The following CACNG7 variants were observed in gnomAD, a reference collection of about 807,000 sequenced individuals.
The protein encoded by CACNG7 is calcium voltage-gated channel auxiliary subunit gamma 7.
Under a neutral mutation model 26.3 loss-of-function variants are expected in CACNG7, and 9 were observed. The observed-to-expected ratio is 0.34, with a 90% CI of 0.21 to 0.60. The LOEUF (loss-of-function observed/expected upper bound fraction) is 0.60. Among genes scored for constraint, CACNG7 ranks in the 20% least tolerant of loss-of-function variants. The pLI is 0.81. For missense variants in CACNG7, 297 were observed against 380.4 expected, an observed-to-expected ratio of 0.78 and a Z score of 1.82; for synonymous variants, 170 against 157.0, an observed-to-expected ratio of 1.08 and a Z score of -0.62.
intron 4 of CACNG7, among the ~76,000 whole-genome samples, chr19:53,922,384 G>A (rs1398221615): frequency 1.6e-5 from 2 of 127,056 alleles, no homozygotes; most frequent in Non-Finnish European, 3.4e-5. Flanking sequence ...CTGGTCATTG[G>A]TGGAGTTGTC....
rs74527756 is a variant in CACNG7, at chr19:53,927,275, T to C, written c.424+11770T>C. ...TTTGTATCTTAGAGCCTAGAGGTGT[T>C]GTTTGTATGAAGTGCAAACTGAAAT... On this transcript the variant is annotated intron_variant, in intron 4 of 5. Transcript: ENST00000391767. Among the ~76,000 whole-genome samples, 1,357 of 152,246 alleles carry C rather than the reference T, an allele frequency of 8.9e-3. 16 individuals are homozygous for C. Among genetic ancestry groups the C allele is most frequent in the African/African-American group, 0.031 (1,295 of 41,554 alleles).
In CACNG7 at chr19:53,942,615, A is replaced by G; in HGVS notation, c.*322A>G. On this transcript the variant is annotated 3_prime_UTR_variant, in exon 6 of 6. Transcript: ENST00000391767. The surrounding 1 kb of genome is among the most constrained non-coding windows in gnomAD (Gnocchi z 5.9). The stretch of plus-strand genomic sequence containing the variant: ...CCTCCCTCGTTCTCCACCTGCTCTG[A>G]GCTGGGAGCAGCCAGAGGCGGTGCA... 1 of 1,204,316 alleles carries G rather than the reference A, an allele frequency of 8.3e-7. No individual in the cohort carries two copies. Among genetic ancestry groups the G allele is most frequent in the East Asian group, 3.8e-5 (1 of 26,080 alleles). 74.6% of individuals were successfully genotyped at this position (1,204,316 alleles called of 1,614,324 possible).
chr19:53,917,115 G>A (rs1290655869), intron 4 of CACNG7, among the ~76,000 whole-genome samples: 3 of 151,896 alleles, frequency 2.0e-5, no homozygotes, highest in African/African-American at 7.3e-5. Context: ...TTTTTCTTGA[G>A]TGTTACTCTC....
At chr19:53,919,919 A>G (rs1599972457) in intron 4 of CACNG7, among the ~76,000 whole-genome samples, 1 of 92,750 alleles carries the variant, frequency 1.1e-5, no homozygotes, top group African/African-American at 4.7e-5. Flanking sequence ...TCATTGGTGG[A>G]GTTGTCCCCA....
At chr19:53,933,648 G>T (rs191952083) in intron 4 of CACNG7, among the ~76,000 whole-genome samples, 1 of 151,718 alleles carries the variant, frequency 6.6e-6, no homozygotes, top group Admixed American at 6.6e-5. Context: ...AAGCTTAGAT[G>T]GATGCAGGTT....
Position 53,915,444 on chromosome 19 carries a change from C to T in CACNG7, c.363C>T (p.Gly121=). The change falls in exon 4 of 6, where the codon GGC becomes GGT. Residue 121 remains glycine, a synonymous_variant. Transcript: ENST00000391767. ...VFTAFVISNI[G]HIRPQRTILA... is the part of the protein sequence containing the mutation. ...CGGCCTTCGTCATCAGCAACATCGG[C>T]CACATCCGCCCGCAGAGGACCATTC... is the stretch of plus-strand genomic sequence containing the variant. 6.2e-7 allele frequency: 1 copy of T among 1,614,164 alleles called. No individual in the cohort carries two copies. Among genetic ancestry groups the T allele is most frequent in the Non-Finnish European group, 8.5e-7 (1 of 1,180,028 alleles).
At position 53,912,019 on chromosome 19, in the gene CACNG7, T is replaced by C. The variant is rs13344068; in HGVS notation, c.-29-784T>C. ...GTGACCCACTTTGGGAATTTCTGGA[T>C]GTAGTTCAGAGACAGGGTGCAAGAA... On this transcript the variant is annotated intron_variant, in intron 1 of 5. Transcript: ENST00000391767. This position sits in a 1 kb window ranked among gnomAD's most constrained non-coding sequence, Gnocchi z 4.6. 0.01 allele frequency among the ~76,000 whole-genome samples: 1,550 copies of C among 152,166 alleles called. 30 individuals are homozygous for C. Among genetic ancestry groups the C allele is most frequent in the African/African-American group, 0.036 (1,492 of 41,472 alleles).
chr19:53,915,477 T>C lies in CACNG7; in HGVS notation c.396T>C (p.Phe132=). The change falls in exon 4 of 6, where the codon TTT becomes TTC. Residue 132 remains phenylalanine, a synonymous_variant. Transcript: ENST00000391767. ...GCCCGCAGAGGACCATTCTGGCTTT[T>C]GTCTCTGGCATCTTCTTCATACTAT... ...HIRPQRTILA[F]VSGIFFILSG... is the part of the protein sequence containing the mutation. The C allele has an allele frequency of 6.2e-7, 1 of 1,614,196 alleles. No homozygotes were observed. The highest frequency in any genetic ancestry group is 8.5e-7 in the Non-Finnish European group (1 of 1,180,042).
At position 53,915,523 on chromosome 19, in the gene CACNG7, G is replaced by A. The variant is rs1191252841; in HGVS notation, c.424+18G>A. 5.0e-6 allele frequency: 8 copies of A among 1,613,024 alleles called. No homozygotes were observed. Among genetic ancestry groups the A allele is most frequent in the African/African-American group, 2.7e-5 (2 of 74,896 alleles). On this transcript the variant is annotated intron_variant, in intron 4 of 5. Coordinates refer to ENST00000391767, the MANE Select transcript of CACNG7 (RefSeq NM_031896.5). ...ACTATCGGGTGAGCCTAAGGACTTG[G>A]GGGTTGGGGGGGACCATTTCCAGTT...
chr19:53,936,639 C>G (rs2069106859), intron 4 of CACNG7, among the ~76,000 whole-genome samples: 1 of 152,166 alleles, frequency 6.6e-6, no homozygotes, highest in South Asian at 2.1e-4. Context: ...GACGGAGTCT[C>G]ACTCTGTCGC....
At chr19:53,924,077 C>G (rs1203586060) in intron 4 of CACNG7, among the ~76,000 whole-genome samples, 1 of 123,858 alleles carries the variant, frequency 8.1e-6, no homozygotes, top group Non-Finnish European at 1.6e-5. Context: ...CAGGTCTGGT[C>G]ATTGGTGGAG....
intron 4 of CACNG7, among the ~76,000 whole-genome samples, chr19:53,924,928 C>G (rs1185318844): frequency 7.2e-6 from 1 of 138,162 alleles, no homozygotes; most frequent in Non-Finnish European, 1.5e-5. Flanking sequence ...TGCCCCAGGT[C>G]TGGTCATTGG....
Position 53,942,082 on chromosome 19 carries a change from A to T in CACNG7, c.617A>T (p.Glu206Val). 1 of 1,613,446 alleles carries T rather than the reference A, an allele frequency of 6.2e-7. No homozygotes were observed. The highest frequency in any genetic ancestry group is 8.5e-7 in the Non-Finnish European group (1 of 1,179,706). The change falls in exon 6 of 6, where the codon GAG becomes GTG. Residue 206 changes from glutamate (E) to valine (V), a missense_variant. By Grantham distance (121) the Glu-to-Val change is moderately radical (BLOSUM62 -2). Coordinates refer to ENST00000391767, the MANE Select transcript of CACNG7 (RefSeq NM_031896.5). The surrounding 1 kb of genome is among the most constrained non-coding windows in gnomAD (Gnocchi z 5.9). ...TACCTGTTCACCAAGCGCTACGCGG[A>T]GGAGGAGATGTACCGTCCACACCCG... is the stretch of plus-strand genomic sequence containing the variant. ...SVYLFTKRYA[E>V]EEMYRPHPAF... is the part of the protein sequence containing the mutation.
intron 4 of CACNG7, among the ~76,000 whole-genome samples, chr19:53,935,602 C>T (rs958638363): frequency 7.2e-6 from 1 of 138,938 alleles, no homozygotes; most frequent in Non-Finnish European, 1.5e-5. Flanking sequence ...GGATTATAGG[C>T]GTGAGCCACC....
intron 4 of CACNG7, among the ~76,000 whole-genome samples, chr19:53,916,487 C>CT (rs397706471): frequency 0.36 from 34,434 of 95,300 alleles, 7,228 homozygotes; most frequent in East Asian, 0.38. Context: ...TTCTTTCTTT[C>CT]TTTTTTTTTT....
At position 53,940,001 on chromosome 19, in the gene CACNG7, G is replaced by A. The variant is rs1207182260; in HGVS notation, c.425-1469G>A. ...TTTCGTCCATGGACCATGGTTTGCC[G>A]ACCACCGGTGTAGACAGTGGAAGGA... On this transcript the variant is annotated intron_variant, in intron 4 of 5. Coordinates refer to ENST00000391767, the MANE Select transcript of CACNG7 (RefSeq NM_031896.5). The surrounding 1 kb of genome is among the most constrained non-coding windows in gnomAD (Gnocchi z 4.1). Among the ~76,000 whole-genome samples, 3 of 152,094 alleles carry A rather than the reference G, an allele frequency of 2.0e-5. No individual in the cohort carries two copies. Among genetic ancestry groups the A allele is most frequent in the South Asian group, 2.1e-4 (1 of 4,826 alleles).
chr19:53,934,558 T>G (rs543409468), intron 4 of CACNG7, among the ~76,000 whole-genome samples: 118 of 152,070 alleles, frequency 7.8e-4, no homozygotes, highest in Admixed American at 3.3e-3. Flanking sequence ...GAGGATTGCT[T>G]GAGCCTAAGA....
intron 5 of CACNG7, 174 bp downstream of exon 5, chr19:53,941,789 A>G (rs2145921621): frequency 2.2e-6 from 2 of 903,526 alleles, no homozygotes; most frequent in East Asian, 5.6e-5. Flanking sequence ...TGAGAGCTCC[A>G]ACTTTTGGGA....
chr19:53,930,707 CA>C (rs1483628561), intron 4 of CACNG7, among the ~76,000 whole-genome samples: 1 of 151,668 alleles, frequency 6.6e-6, no homozygotes, highest in Non-Finnish European at 1.5e-5. Flanking sequence ...GGTGTTTCAC[CA>C]TGTTGGCCAG....
Sources: allele counts gnomAD v4.1 joint callset (sites outside exome capture counted in the v4.1 genomes callset), GRCh38; gene constraint gnomAD v4.1.1; non-coding constraint Gnocchi (gnomAD v3.1); transcripts MANE v1.5; gene names NCBI Gene and HGNC (gene_info 2026-07-23, HGNC 2026-07-21).